Variants in DAAM1 observed in about 807,000 individuals in gnomAD.
DAAM1 encodes the protein dishevelled associated activator of morphogenesis 1, also known as disheveled-associated activator of morphogenesis 1.
Under a neutral mutation model 130.0 loss-of-function variants are expected in DAAM1, and 52 were observed. The ratio of observed to expected loss-of-function variants is 0.40; its 90% CI spans 0.32 to 0.50. The LOEUF is 0.50. Among genes scored for constraint, DAAM1 ranks in the 20% least tolerant of loss-of-function variants. DAAM1 has a pLI of 0.61. For missense variants in DAAM1, 1,134 were observed against 1,303.8 expected (o/e 0.87, Z 2.01); for synonymous variants, 452 against 444.5 (o/e 1.02, Z -0.21).
At chr14:59,296,776 CTT>C (rs1883969859) in intron 3 of DAAM1, among the ~76,000 whole-genome samples, 1 of 152,168 alleles carries the variant, frequency 6.6e-6, no homozygotes, top group African/African-American at 2.4e-5. Context: ...ACACTTTCCT[CTT>C]TGATTTCTAT....
chr14:59,355,436 T>C, intron 20 of DAAM1, 103 bp downstream of exon 20: 1 of 1,388,886 alleles, frequency 7.2e-7, no homozygotes, highest in Non-Finnish European at 9.8e-7. Context: ...ACTGCATTCT[T>C]CAGTTGGAAC....
At chr14:59,304,698 C>A (rs1464546822) in intron 3 of DAAM1, among the ~76,000 whole-genome samples, 1 of 152,124 alleles carries the variant, frequency 6.6e-6, no homozygotes, top group African/African-American at 2.4e-5. Context: ...TTGTTTCTTT[C>A]TTTTGCCAAA....
intron 8 of DAAM1, among the ~76,000 whole-genome samples, 162 bp from the exon 9 acceptor site, chr14:59,325,502 T>C (rs1885172189): frequency 6.6e-6 from 1 of 152,256 alleles, no homozygotes; most frequent in South Asian, 2.1e-4. Flanking sequence ...TGTCTTTTTT[T>C]CTTAGAAAGA....
chr14:59,270,462 G>T (rs1471133590), intron 2 of DAAM1, among the ~76,000 whole-genome samples: 1 of 152,134 alleles, frequency 6.6e-6, no homozygotes, highest in Non-Finnish European at 1.5e-5. Flanking sequence ...CCGGAGGGAG[G>T]AAATTAATCT....
chr14:59,299,425 G>T (rs1289063886), intron 3 of DAAM1, among the ~76,000 whole-genome samples: 1 of 152,186 alleles, frequency 6.6e-6, no homozygotes, highest in Non-Finnish European at 1.5e-5. Context: ...ACTTATCAGA[G>T]AGCTTGGAGG....
intron 2 of DAAM1, 86 bp from the exon 3 acceptor site, chr14:59,291,131 T>A: frequency 1.8e-6 from 2 of 1,135,406 alleles, no homozygotes; most frequent in Non-Finnish European, 2.4e-6. Context: ...TGTTTTTGTT[T>A]TTTTTCTTCC....
chr14:59,335,460 C>T (rs1041926329), intron 15 of DAAM1, among the ~76,000 whole-genome samples: 1 of 152,154 alleles, frequency 6.6e-6, no homozygotes, highest in Non-Finnish European at 1.5e-5. Context: ...CATTGCATAG[C>T]AGTACTTTTC....
intron 1 of DAAM1, among the ~76,000 whole-genome samples, chr14:59,243,447 C>G (rs768943909): frequency 1.3e-5 from 2 of 152,182 alleles, no homozygotes; most frequent in Non-Finnish European, 2.9e-5. Context: ...CAAGGTTCTT[C>G]TACTCAGGCT....
At chr14:59,280,017 A>C (rs567249519) in intron 2 of DAAM1, among the ~76,000 whole-genome samples, 1 of 152,342 alleles carries the variant, frequency 6.6e-6, no homozygotes, top group African/African-American at 2.4e-5. Context: ...AGGAAAACGT[A>C]AACTAAAACT....
intron 16 of DAAM1, among the ~76,000 whole-genome samples, chr14:59,344,374 T>C (rs745380899): frequency 1.3e-5 from 2 of 152,216 alleles, no homozygotes; most frequent in Non-Finnish European, 2.9e-5. Context: ...TTAAGATGGC[T>C]GGTTTGTTTC....
intron 3 of DAAM1, among the ~76,000 whole-genome samples, chr14:59,312,341 C>G (rs1884630613): frequency 6.6e-6 from 1 of 152,128 alleles, no homozygotes; most frequent in Non-Finnish European, 1.5e-5. Context: ...TTATTTGTAT[C>G]AACTTTTTAA....
rs1356769377 is a variant in DAAM1 at position 59,325,989 on chromosome 14, G to T, written c.1086G>T (p.Gln362His). The change falls in exon 10 of 25, where the codon CAG becomes CAT. Residue 362 changes from glutamine (Q) to histidine (H), a missense_variant. Physicochemically the swap from Gln to His is conservative, Grantham distance 24 (BLOSUM62 0). Around this residue, in one of 3 missense-constraint regions of DAAM1, gnomAD observed 391 missense variants for 521.6 expected, o/e 0.75. Transcript: ENST00000360909. ...LVHIDTKSAT[Q>H]MFELTRKRLT... ...ACATAGACACAAAAAGTGCAACTCA[G>T]ATGTTTGAGCTGACCAGGAAGAGGC... The T allele has an allele frequency of 1.9e-6, 3 of 1,614,050 alleles. No individual in the cohort carries two copies. Among genetic ancestry groups the T allele is most frequent in the Non-Finnish European group, 2.5e-6 (3 of 1,180,016 alleles).
At chr14:59,280,535 CTTTTTTT>C (rs35354608) in intron 2 of DAAM1, among the ~76,000 whole-genome samples, 4 of 90,658 alleles carry the variant, frequency 4.4e-5, no homozygotes, top group Non-Finnish European at 8.1e-5. Flanking sequence ...GCACACCTTC[CTTTTTTT>C]TTTTTTTTTT....
At chr14:59,297,124 T>C (rs979924068) in intron 3 of DAAM1, among the ~76,000 whole-genome samples, 1 of 152,168 alleles carries the variant, frequency 6.6e-6, no homozygotes, top group African/African-American at 2.4e-5. Flanking sequence ...ATCTGGCCCT[T>C]CTCCCAAGGG....
chr14:59,298,011 T>C (rs1416145044), intron 3 of DAAM1, among the ~76,000 whole-genome samples: 7 of 152,220 alleles, frequency 4.6e-5, no homozygotes, highest in Non-Finnish European at 8.8e-5. Flanking sequence ...AATTGTGAGC[T>C]TGGATTGTGG....
At chr14:59,297,998 A>C (rs1884022383) in intron 3 of DAAM1, among the ~76,000 whole-genome samples, 1 of 152,194 alleles carries the variant, frequency 6.6e-6, no homozygotes, top group South Asian at 2.1e-4. Flanking sequence ...TGGACAGAAA[A>C]ATAATTGTGA....
intron 1 of DAAM1, among the ~76,000 whole-genome samples, chr14:59,189,181 C>T (rs904334221): frequency 1.3e-5 from 2 of 152,056 alleles, no homozygotes; most frequent in Non-Finnish European, 1.5e-5. Context: ...CGCGAGCTCC[C>T]GGCCCGGCGG....
At chr14:59,225,019 GT>G (rs869233694) in intron 1 of DAAM1, among the ~76,000 whole-genome samples, 2,465 of 90,726 alleles carry the variant, frequency 0.027, 135 homozygotes, top group African/African-American at 0.036. Flanking sequence ...ATCTGTGTGG[GT>G]TTTTTTTTTT....
intron 5 of DAAM1, 109 bp downstream of exon 5, chr14:59,320,693 A>G: frequency 2.8e-6 from 2 of 713,242 alleles, no homozygotes; most frequent in East Asian, 3.0e-5. Flanking sequence ...AAATTAAACC[A>G]TAACATACTT....
Sources: gnomAD v4.1 joint callset for allele counts (sites outside exome capture counted in the v4.1 genomes callset) on GRCh38, gnomAD v4.1.1 for gene constraint, gnomAD v4.1.1 regional missense constraint, MANE v1.5 for transcripts, NCBI Gene and HGNC (gene_info 2026-07-23, HGNC 2026-07-21) for gene names.